ABCA13: variants seen among roughly 807,000 people sequenced by gnomAD.
ABCA13 encodes the protein ATP-binding cassette sub-family A member 13.
ABCA13 carries 476 observed loss-of-function variants against 478.7 expected under a neutral mutation model. The observed-to-expected ratio is 0.99, with a 90% CI of 0.92 to 1.07. The LOEUF (loss-of-function observed/expected upper bound fraction) is 1.07. ABCA13 is among the 50% of genes least tolerant of loss of function. The pLI, the probability that ABCA13 is intolerant of heterozygous loss-of-function variation, is 0.00. For missense variants in ABCA13, 6,060 were observed against 5,910.6 expected, an observed-to-expected ratio of 1.03 and a Z score of -0.83; for synonymous variants, 2,252 against 2,158.9, an observed-to-expected ratio of 1.04 and a Z score of -1.20.
chr7:48,309,261 A>G lies in ABCA13; in HGVS notation c.9322-686A>G, dbSNP rs570050117. 1.3e-3 allele frequency among the ~76,000 whole-genome samples: 197 copies of G among 152,208 alleles called. 2 individuals are homozygous for G. Among genetic ancestry groups the G allele is most frequent in the African/African-American group, 4.2e-3 (176 of 41,514 alleles). On this transcript the variant is annotated intron_variant, in intron 23 of 61. Coordinates refer to ENST00000435803, the MANE Select transcript of ABCA13 (RefSeq NM_152701.5). ...TTTCACAGCAATCATACCCATCAGG[A>G]GCAAAAACATGGAGCAGGAAGTATG...
intron 41 of ABCA13, among the ~76,000 whole-genome samples, chr7:48,417,942 C>A (rs1820249770): frequency 6.6e-6 from 1 of 152,150 alleles, no homozygotes; most frequent in Non-Finnish European, 1.5e-5. Flanking sequence ...ACCCTTGTAG[C>A]CTTTCCATTT....
rs756786334 is a variant in ABCA13 at position 48,275,978 on chromosome 7, C to T, written c.6312C>T (p.Phe2104=). The change falls in exon 17 of 62, where the codon TTC becomes TTT. Residue 2104 remains phenylalanine, a synonymous_variant. Transcript: ENST00000435803. ...AGATAACTTTGCAGTTTGCCCATTT[C>T]CTGGAAATCCTGGATTCACCGTCAT... ...LQKITLQFAH[F]LEILDSPSLK... 4 of 1,613,352 alleles carry T rather than the reference C, an allele frequency of 2.5e-6. No individual in the cohort carries two copies. The South Asian group carries it at 4.4e-5, about 18-fold the overall frequency.
intron 29 of ABCA13, 25 bp from the exon 30 acceptor site, chr7:48,350,618 G>GT: frequency 6.2e-7 from 1 of 1,600,952 alleles, no homozygotes; most frequent in Non-Finnish European, 8.5e-7. Context: ...AAGTTGATGT[G>GT]TCCTAATCTG....
At chr7:48,528,646 C>T (rs1833032730) in intron 55 of ABCA13, among the ~76,000 whole-genome samples, 1 of 152,070 alleles carries the variant, frequency 6.6e-6, no homozygotes, top group South Asian at 2.1e-4. Flanking sequence ...AGATGGAACT[C>T]AGGGGAGCAG....
At chr7:48,238,124 A>T (rs554938233) in intron 8 of ABCA13, among the ~76,000 whole-genome samples, 24 of 152,324 alleles carry the variant, frequency 1.6e-4, no homozygotes, top group African/African-American at 1.9e-4. Context: ...AGACTTGTAA[A>T]CAACAGAAAT....
rs1796821333 is a variant in ABCA13 at position 48,279,998 on chromosome 7, T to G, written c.8726+78T>G. The G allele has an allele frequency of 4.4e-6, 6 of 1,371,152 alleles. No individual in the cohort carries two copies. The East Asian group carries it at 1.5e-4, about 35-fold the overall frequency. The allele number at this position is 1,371,152 out of a possible 1,614,324, so 84.9% of individuals were successfully genotyped here. On this transcript the variant is annotated intron_variant, in intron 18 of 61. Transcript: ENST00000435803. ...AAATAGAACCATGCAGGAATTACAG[T>G]GAATCGGGGTAAGTAGTTCTTCTTG...
chr7:48,279,615 A>G lies in ABCA13; in HGVS notation c.8421A>G (p.Ile2807Met), dbSNP rs757042398. 1 of 1,612,920 alleles carries G rather than the reference A, an allele frequency of 6.2e-7. No individual in the cohort carries two copies. Among genetic ancestry groups the G allele is most frequent in the Non-Finnish European group, 8.5e-7 (1 of 1,179,480 alleles). The change falls in exon 18 of 62, where the codon ATA becomes ATG. Residue 2807 changes from isoleucine (I) to methionine (M), a missense_variant. By Grantham distance (10) the Ile-to-Met change is conservative. Coordinates refer to ENST00000435803, the MANE Select transcript of ABCA13 (RefSeq NM_152701.5). ...LYFDTPLSQN[I>M]THHQLEKAIH... Reference sequence around the variant, plus strand: ...TTGACACACCTTTGAGTCAGAATATAACTCATCATCAACTTGAAAAAGCAA... The same window carrying G: ...TTGACACACCTTTGAGTCAGAATATGACTCATCATCAACTTGAAAAAGCAA...
At chr7:48,382,570 A>G (rs577266710) in intron 35 of ABCA13, among the ~76,000 whole-genome samples, 2 of 152,134 alleles carry the variant, frequency 1.3e-5, no homozygotes, top group Non-Finnish European at 2.9e-5. Context: ...TCATACTAAA[A>G]CATTAATTGT....
Position 48,352,413 on chromosome 7 carries a change from G to A in ABCA13, c.10614G>A (p.Val3538=). ...QDMIERAIIL[V]QTGQEALEPA... ...TGATCGAAAGAGCCATCATTTTGGT[G>A]CAGACTGGGCAGGAAGCCCTGGAAC... Residue 3538 remains valine, a synonymous_variant, in exon 31 of 62, where the codon GTG becomes GTA. Coordinates refer to ENST00000435803, the MANE Select transcript of ABCA13 (RefSeq NM_152701.5). 6.2e-7 allele frequency: 1 copy of A among 1,613,284 alleles called. No individual in the cohort carries two copies. The highest frequency in any genetic ancestry group is 8.5e-7 in the Non-Finnish European group (1 of 1,179,702).
chr7:48,583,169 G>T (rs1170654658), intron 56 of ABCA13, among the ~76,000 whole-genome samples: 4 of 152,130 alleles, frequency 2.6e-5, no homozygotes, highest in Admixed American at 2.6e-4. Flanking sequence ...TCCTACCAGG[G>T]ACTGTCCCTA....
At chr7:48,457,726 C>T (rs1241452486) in intron 43 of ABCA13, among the ~76,000 whole-genome samples, 1 of 152,180 alleles carries the variant, frequency 6.6e-6, no homozygotes, top group African/African-American at 2.4e-5. Context: ...GGAGTCCTGC[C>T]TACACAGGCT....
At chr7:48,295,371 T>C (rs1317837328) in intron 20 of ABCA13, among the ~76,000 whole-genome samples, 2 of 152,232 alleles carry the variant, frequency 1.3e-5, no homozygotes, top group African/African-American at 4.8e-5. Context: ...TTTTTTAAAT[T>C]GAGTTATTTG....
chr7:48,367,587 T>A (rs1811875447), intron 31 of ABCA13, among the ~76,000 whole-genome samples: 1 of 152,182 alleles, frequency 6.6e-6, no homozygotes, highest in Admixed American at 6.5e-5. Context: ...GAACCAGTTG[T>A]GTCTCCTTCA....
At chr7:48,378,364 C>A (rs569639231) in intron 35 of ABCA13, among the ~76,000 whole-genome samples, 1 of 152,048 alleles carries the variant, frequency 6.6e-6, no homozygotes, top group African/African-American at 2.4e-5. Flanking sequence ...TCAATGAGGT[C>A]AACTTGAGGC....
intron 59 of ABCA13, among the ~76,000 whole-genome samples, chr7:48,627,526 A>T (rs992102368): frequency 1.3e-5 from 2 of 152,228 alleles, no homozygotes; most frequent in Non-Finnish European, 1.5e-5. Flanking sequence ...CTACGTATGT[A>T]ACTTGGAAAA....
chr7:48,488,143 G>C (rs1829511306), intron 47 of ABCA13, among the ~76,000 whole-genome samples: 1 of 151,800 alleles, frequency 6.6e-6, no homozygotes, highest in East Asian at 1.9e-4. Flanking sequence ...TAAAATGAGT[G>C]GTGTGAAAGA....
In ABCA13 at chr7:48,391,993, C is replaced by A. The variant is rs1816137908; in HGVS notation, c.11727C>A (p.Asp3909Glu). The A allele has an allele frequency of 2.5e-6, 4 of 1,613,860 alleles. No homozygotes were observed. Among genetic ancestry groups the A allele is most frequent in the Non-Finnish European group, 3.4e-6 (4 of 1,179,888 alleles). The change falls in exon 38 of 62, where the codon GAC (aspartate) becomes GAA (glutamate). Residue 3909 changes from aspartate (D) to glutamate (E), a missense_variant. Transcript: ENST00000435803. ...IIINGKNLQT[D>E]LSRVRMELGV... Reference sequence around the variant, plus strand: ...TCAATGGCAAGAACCTACAGACAGACCTGTCGAGGGTCAGAATGGAGCTTG... The same window carrying A: ...TCAATGGCAAGAACCTACAGACAGAACTGTCGAGGGTCAGAATGGAGCTTG...
At chr7:48,389,363 C>A in intron 37 of ABCA13, 143 bp downstream of exon 37, 1 of 946,372 alleles carries the variant, frequency 1.1e-6, no homozygotes, top group Non-Finnish European at 1.5e-6. Context: ...GGGTGAAAGG[C>A]AGAGCCCCTC....
At chr7:48,541,244 G>A (rs1833924987) in intron 55 of ABCA13, among the ~76,000 whole-genome samples, 1 of 152,116 alleles carries the variant, frequency 6.6e-6, no homozygotes, top group Non-Finnish European at 1.5e-5. Flanking sequence ...GGTCAGCATA[G>A]TGTTAAAATT....
Sources: gnomAD v4.1 joint callset for allele counts (sites outside exome capture counted in the v4.1 genomes callset) on GRCh38, gnomAD v4.1.1 for gene constraint, MANE v1.5 for transcripts, NCBI Gene and HGNC (gene_info 2026-07-23, HGNC 2026-07-21) for gene names.